The following SLCO3A1 variants were observed in gnomAD, a reference collection of about 807,000 sequenced individuals.
SLCO3A1 encodes solute carrier organic anion transporter family member 3A1.
In SLCO3A1, 27 loss-of-function variants were observed where a neutral mutation model predicts 63.1. That is an observed-to-expected ratio of 0.43 (90% confidence interval 0.32 to 0.59). SLCO3A1 has a LOEUF of 0.59. SLCO3A1 is among the 20% of genes least tolerant of loss of function. SLCO3A1 has a pLI of 0.09. For synonymous variants in SLCO3A1, 473 were observed against 409.9 expected, an observed-to-expected ratio of 1.15 and a Z score of -1.86; for missense variants, 773 against 945.8, an observed-to-expected ratio of 0.82 and a Z score of 2.40.
chr15:92,009,129 G>T (rs2046343071), intron 2 of SLCO3A1, among the ~76,000 whole-genome samples: 1 of 152,174 alleles, frequency 6.6e-6, no homozygotes, highest in Non-Finnish European at 1.5e-5. Context: ...CCAAGTCAAG[G>T]TCAAGGGCTG....
At chr15:91,999,001 C>T (rs893208390) in intron 2 of SLCO3A1, among the ~76,000 whole-genome samples, 6 of 152,180 alleles carry the variant, frequency 3.9e-5, no homozygotes, top group Admixed American at 1.3e-4. Context: ...ATGGATGCAG[C>T]GGGAGGCCAT....
At chr15:91,953,051 G>T (rs1446493798) in intron 2 of SLCO3A1, among the ~76,000 whole-genome samples, 1 of 152,192 alleles carries the variant, frequency 6.6e-6, no homozygotes, top group African/African-American at 2.4e-5. Context: ...CTCAGTGGAA[G>T]CTGCCTCGGG....
At chr15:92,020,586 G>A (rs889732713) in intron 2 of SLCO3A1, among the ~76,000 whole-genome samples, 55 of 152,130 alleles carry the variant, frequency 3.6e-4, no homozygotes, top group Admixed American at 3.5e-3. Flanking sequence ...ATTCTGTGTG[G>A]GTCATGTTGA....
rs1378986638 is a variant in SLCO3A1 at position 91,897,043 on chromosome 15, T to C, written c.181-18950T>C. ...GTCACTTTTGTGATCTTTAGTTGCC[T>C]CTAGAAAATGGAGATGATAATGCCA... On this transcript the variant is annotated intron_variant, in intron 1 of 9. Coordinates refer to ENST00000318445, the MANE Select transcript of SLCO3A1 (RefSeq NM_013272.4). This position sits in a 1 kb window ranked among gnomAD's most constrained non-coding sequence, Gnocchi z 4.7. 6.6e-6 allele frequency among the ~76,000 whole-genome samples: 1 copy of C among 152,206 alleles called. No individual in the cohort carries two copies. Among genetic ancestry groups the C allele is most frequent in the African/African-American group, 2.4e-5 (1 of 41,440 alleles).
intron 2 of SLCO3A1, among the ~76,000 whole-genome samples, chr15:92,061,803 G>A (rs143184822): frequency 4.2e-5 from 5 of 119,224 alleles, no homozygotes; most frequent in South Asian, 2.6e-4. Context: ...CCTGTTAGAC[G>A]CTCCTATGGG....
At chr15:91,933,270 C>T (rs1282195288) in intron 2 of SLCO3A1, among the ~76,000 whole-genome samples, 3 of 152,030 alleles carry the variant, frequency 2.0e-5, no homozygotes, top group African/African-American at 7.2e-5. Context: ...GATTGCTTTT[C>T]CAAAAATATA....
intron 2 of SLCO3A1, among the ~76,000 whole-genome samples, chr15:92,024,783 G>GT (rs1401799996): frequency 6.6e-6 from 1 of 152,180 alleles, no homozygotes; most frequent in Non-Finnish European, 1.5e-5. Context: ...CTCTGAGAAG[G>GT]TGACATTTGA....
chr15:91,988,406 A>T (rs565274395), intron 2 of SLCO3A1, among the ~76,000 whole-genome samples: 1 of 152,316 alleles, frequency 6.6e-6, no homozygotes, highest in Admixed American at 6.5e-5. Flanking sequence ...TGAACGTAAT[A>T]AATTAACATT....
chr15:91,879,041 G>A (rs1597082079), intron 1 of SLCO3A1, among the ~76,000 whole-genome samples: 1 of 152,268 alleles, frequency 6.6e-6, no homozygotes, highest in East Asian at 1.9e-4. Flanking sequence ...TTGAAAATCA[G>A]CCTGTGATCT....
chr15:92,168,761 C>A (rs1336641108), downstream of SLCO3A1, among the ~76,000 whole-genome samples: 1 of 152,182 alleles, frequency 6.6e-6, no homozygotes, highest in Non-Finnish European at 1.5e-5. Flanking sequence ...AAAGTAAGTA[C>A]CCCTTTGCTC....
intron 2 of SLCO3A1, among the ~76,000 whole-genome samples, chr15:92,059,941 G>A (rs2047066541): frequency 6.6e-6 from 1 of 152,174 alleles, no homozygotes; most frequent in Non-Finnish European, 1.5e-5. Context: ...CGTACACCTA[G>A]GCTATAGGGT....
At chr15:92,003,233 G>C (rs1430346210) in intron 2 of SLCO3A1, among the ~76,000 whole-genome samples, 1 of 152,168 alleles carries the variant, frequency 6.6e-6, no homozygotes. Flanking sequence ...CATAGTATAC[G>C]TGCTGTGTAA....
At chr15:92,013,903 G>A (rs1015749143) in intron 2 of SLCO3A1, among the ~76,000 whole-genome samples, 2 of 152,152 alleles carry the variant, frequency 1.3e-5, no homozygotes, top group African/African-American at 4.8e-5. Flanking sequence ...GTCCTAATAG[G>A]TGACAGAGGT....
chr15:91,874,949 G>A (rs2151337789), intron 1 of SLCO3A1, among the ~76,000 whole-genome samples: 1 of 152,308 alleles, frequency 6.6e-6, no homozygotes, highest in Admixed American at 6.5e-5. Flanking sequence ...AATTGGTGAG[G>A]AATTCTTTCA....
chr15:91,941,559 A>G lies in SLCO3A1; in HGVS notation c.646+25101A>G. The G allele has an allele frequency of 2.2e-6, 1 of 456,020 alleles. No homozygotes were observed. Among genetic ancestry groups the G allele is most frequent in the Non-Finnish European group, 4.4e-6 (1 of 226,780 alleles). The allele number at this position is 456,020 out of a possible 1,614,324, so 28.2% of individuals were successfully genotyped here. On this transcript the variant is annotated intron_variant, in intron 2 of 9. Coordinates refer to ENST00000318445, the MANE Select transcript of SLCO3A1 (RefSeq NM_013272.4). The surrounding 1 kb of genome is among the most constrained non-coding windows in gnomAD (Gnocchi z 4.4). ...CACTTTCTTGGCAATTAGATGAACC[A>G]GAGGTTTATTTCACTCAGTAAGTAA...
intron 2 of SLCO3A1, among the ~76,000 whole-genome samples, chr15:91,952,691 T>C (rs73532450): frequency 0.084 from 12,834 of 152,176 alleles, 1,428 homozygotes; most frequent in African/African-American, 0.26. Flanking sequence ...AAATATACTT[T>C]TCCGAAATCA....
intron 4 of SLCO3A1, among the ~76,000 whole-genome samples, chr15:92,110,572 A>T (rs2047716191): frequency 6.6e-6 from 1 of 151,922 alleles, no homozygotes; most frequent in Non-Finnish European, 1.5e-5. Flanking sequence ...TGGAATTCTC[A>T]TTTCATCTTC....
chr15:92,139,819 G>A (rs1048726291), intron 7 of SLCO3A1, among the ~76,000 whole-genome samples: 1 of 150,726 alleles, frequency 6.6e-6, no homozygotes, highest in Non-Finnish European at 1.5e-5. Flanking sequence ...GATCGGTGGT[G>A]ATATCCCCTT....
intron 2 of SLCO3A1, among the ~76,000 whole-genome samples, chr15:92,007,801 G>T (rs574617067): frequency 6.6e-6 from 1 of 152,212 alleles, no homozygotes; most frequent in South Asian, 2.1e-4. Context: ...TAAAATTAGG[G>T]TATTTTGGGA....
Sources: allele counts gnomAD v4.1 joint callset (sites outside exome capture counted in the v4.1 genomes callset), GRCh38; gene constraint gnomAD v4.1.1; non-coding constraint Gnocchi (gnomAD v3.1); transcripts MANE v1.5; gene names NCBI Gene and HGNC (gene_info 2026-07-23, HGNC 2026-07-21).